Variants in PTCHD1 observed in about 807,000 individuals in gnomAD.
PTCHD1 encodes patched domain-containing protein 1.
A neutral mutation model predicts 34.6 loss-of-function variants in PTCHD1; 3 were observed. The observed-to-expected ratio is 0.09, with a 90% CI of 0.04 to 0.22. PTCHD1 has a LOEUF of 0.22. Among genes scored for constraint, PTCHD1 ranks in the 10% least tolerant of loss-of-function variants. The pLI is 1.00. For missense variants in PTCHD1, 504 were observed against 685.5 expected (o/e 0.74, Z 2.96); for synonymous variants, 305 against 283.1 (o/e 1.08, Z -0.77).
intron 1 of PTCHD1, among the ~76,000 whole-genome samples, chrX:23,359,882 C>T (rs1354728696): frequency 8.9e-6 from 1 of 111,777 alleles, no homozygotes; most frequent in Non-Finnish European, 1.9e-5. Flanking sequence ...TTGTTGAAGG[C>T]CTTTTCTGCA....
chrX:23,342,948 T>C (rs752353720), intron 1 of PTCHD1, among the ~76,000 whole-genome samples: 1 of 112,309 alleles, frequency 8.9e-6, no homozygotes, highest in East Asian at 2.8e-4. Context: ...TATATTGTCA[T>C]GTGATCGTTT....
intron 1 of PTCHD1, among the ~76,000 whole-genome samples, chrX:23,369,749 A>T (rs73469319): frequency 0.016 from 1,757 of 111,613 alleles, 31 homozygotes; most frequent in African/African-American, 0.054. Flanking sequence ...CAGTTATCTA[A>T]CTAGAGAGCT....
chrX:23,369,325 A>G (rs1922222600), intron 1 of PTCHD1, among the ~76,000 whole-genome samples: 1 of 111,591 alleles, frequency 9.0e-6, no homozygotes, highest in Admixed American at 9.5e-5. Flanking sequence ...TTGCTACCTC[A>G]TCACCATCTC....
chrX:23,374,293 A>C (rs1172179684), intron 1 of PTCHD1, among the ~76,000 whole-genome samples: 2 of 81,355 alleles, frequency 2.5e-5, no homozygotes, highest in Non-Finnish European at 4.3e-5. Context: ...AAAAAAAAAA[A>C]AAAAAAAAAA....
chrX:23,359,386 A>G (rs1432814505), intron 1 of PTCHD1, among the ~76,000 whole-genome samples: 1 of 111,567 alleles, frequency 9.0e-6, no homozygotes, highest in Non-Finnish European at 1.9e-5. Context: ...TTGGATTCCT[A>G]GGTGTTTTAT....
At chrX:23,359,919 G>C (rs139273107) in intron 1 of PTCHD1, among the ~76,000 whole-genome samples, 1 of 111,704 alleles carries the variant, frequency 9.0e-6, no homozygotes, top group Admixed American at 9.5e-5. Context: ...TGTGATTTTT[G>C]TCGATGGTTC....
intron 2 of PTCHD1, among the ~76,000 whole-genome samples, chrX:23,391,713 T>G (rs1207333584): frequency 8.9e-6 from 1 of 111,859 alleles, no homozygotes; most frequent in Non-Finnish European, 1.9e-5. Context: ...CACTGACCCC[T>G]AGCCAGACTT....
chrX:23,374,911 TAAAG>T (rs1922370297), intron 1 of PTCHD1, among the ~76,000 whole-genome samples: 1 of 111,625 alleles, frequency 9.0e-6, no homozygotes, highest in Admixed American at 9.5e-5. Flanking sequence ...GTTTCAGACT[TAAAG>T]AAGCAGAGTG....
At chrX:23,390,323 C>T (rs1428172183) in intron 2 of PTCHD1, among the ~76,000 whole-genome samples, 1 of 101,691 alleles carries the variant, frequency 9.8e-6, no homozygotes, top group Non-Finnish European at 1.9e-5. Context: ...CTCTACATGG[C>T]CCCAGGAAAA....
chrX:23,388,566 C>T (rs1922740275), intron 2 of PTCHD1, among the ~76,000 whole-genome samples: 1 of 111,835 alleles, frequency 8.9e-6, no homozygotes, highest in Non-Finnish European at 1.9e-5. Context: ...GTGGCTCATG[C>T]CTGTATAGAA....
chrX:23,359,968 T>A (rs900728495), intron 1 of PTCHD1, among the ~76,000 whole-genome samples: 1 of 112,188 alleles, frequency 8.9e-6, no homozygotes, highest in African/African-American at 3.2e-5. Context: ...TTTGCATATG[T>A]TGAACCAGCC....
At chrX:23,375,667 G>A (rs955432205) in intron 1 of PTCHD1, among the ~76,000 whole-genome samples, 4 of 111,782 alleles carry the variant, frequency 3.6e-5, no homozygotes, top group African/African-American at 6.5e-5. Context: ...CTGCTGTGGA[G>A]TAAGACTTGA....
intron 1 of PTCHD1, among the ~76,000 whole-genome samples, chrX:23,376,716 A>T (rs777173939): frequency 2.7e-5 from 3 of 111,781 alleles, no homozygotes; most frequent in Non-Finnish European, 5.7e-5. Flanking sequence ...CTCACCTCTT[A>T]TTCCACAGTA....
intron 1 of PTCHD1, among the ~76,000 whole-genome samples, chrX:23,362,081 C>T (rs1042254217): frequency 8.9e-6 from 1 of 112,222 alleles, no homozygotes; most frequent in Non-Finnish European, 1.9e-5. Context: ...CTGCCCTTAA[C>T]ATTTTTTCCT....
chrX:23,363,881 C>T (rs1922062017), intron 1 of PTCHD1, among the ~76,000 whole-genome samples: 1 of 112,317 alleles, frequency 8.9e-6, no homozygotes, highest in South Asian at 3.7e-4. Flanking sequence ...CATATGTCTA[C>T]CAAAGGCTAT....
chrX:23,344,598 A>C (rs1270968079), intron 1 of PTCHD1, among the ~76,000 whole-genome samples: 1 of 111,650 alleles, frequency 9.0e-6, no homozygotes, highest in Non-Finnish European at 1.9e-5. Flanking sequence ...AATTGGATTC[A>C]ACCTACTGCT....
At chrX:23,377,003 A>G (rs1922429029) in intron 1 of PTCHD1, among the ~76,000 whole-genome samples, 1 of 111,867 alleles carries the variant, frequency 8.9e-6, no homozygotes. Context: ...TCTTCGATGT[A>G]TGGTCCTGGG....
Position 23,396,544 on chromosome X carries a change from A to C in PTCHD1, c.*2359A>C, listed in dbSNP as rs1173038703. 8.9e-6 allele frequency: 1 copy of C among 112,266 alleles called. No homozygotes were observed. Among genetic ancestry groups the C allele is most frequent in the Admixed American group, 9.4e-5 (1 of 10,598 alleles). The allele number at this position is 112,266 out of a possible 1,213,427, so 9.3% of individuals were successfully genotyped here. On this transcript the variant is annotated 3_prime_UTR_variant, in exon 3 of 3. Coordinates refer to ENST00000379361, the MANE Select transcript of PTCHD1 (RefSeq NM_173495.3). ...GCACCTCGGCTTAAAGCAGCTCCAC[A>C]AAACCTGACACAACACACACACCAA...
rs916222458 is a variant in PTCHD1 at position 23,393,956 on chromosome X, C to G, written c.2438C>G (p.Ala813Gly). 7 of 1,207,482 alleles carry G rather than the reference C, an allele frequency of 5.8e-6. No homozygotes were observed. The highest frequency in any genetic ancestry group is 2.2e-5 in the Admixed American group (1 of 45,648). Residue 813 changes from alanine (A) to glycine (G), a missense_variant, in exon 3 of 3, where the codon GCA becomes GGA. By Grantham distance (60) the Ala-to-Gly change is moderately conservative (BLOSUM62 0). Coordinates refer to ENST00000379361, the MANE Select transcript of PTCHD1 (RefSeq NM_173495.3). ...TATATTGTTGGTCTGATTCCTCTTG[C>G]AGCTGTGCCTTCAAATCTGACCTGT... ...LCYIVGLIPL[A>G]AVPSNLTCTL...
Sources: allele counts gnomAD v4.1 joint callset (sites outside exome capture counted in the v4.1 genomes callset), GRCh38; gene constraint gnomAD v4.1.1; transcripts MANE v1.5; gene names NCBI Gene and HGNC (gene_info 2026-07-23, HGNC 2026-07-21).